Variants in KCNG3 observed in about 807,000 individuals in gnomAD.
KCNG3 encodes the protein potassium voltage-gated channel modifier subfamily G member 3, also known as voltage-gated potassium channel regulatory subunit KCNG3.
KCNG3 carries 15 observed loss-of-function variants against 29.0 expected under a neutral mutation model. The observed-to-expected ratio is 0.52, with a 90% CI of 0.35 to 0.80. KCNG3 has a LOEUF of 0.80. KCNG3 is among the 30% of genes least tolerant of loss of function. KCNG3 has a pLI of 0.01. For missense variants in KCNG3, 512 were observed against 605.7 expected (o/e 0.85, Z 1.62); for synonymous variants, 322 against 248.9 (o/e 1.29, Z -2.76).
In KCNG3 at chr2:42,492,868, A is replaced by T. The variant is rs1216236216; in HGVS notation, c.634T>A (p.Tyr212Asn). ...GGCTCCCTCCCAGGGCCGGCGGAGT[A>T]CCTGCTCCGGTCATCCAGGCTGCGG... ...DNRSLDDRSR[Y>N]SAGPGREPSG... Residue 212 changes from tyrosine to asparagine, a missense_variant, in exon 1 of 2, where the codon TAC becomes AAC. This residue lies in a region of KCNG3 where 228 missense variants were observed against 200.0 expected (regional missense o/e 1.14). Coordinates refer to ENST00000306078, the MANE Select transcript of KCNG3 (RefSeq NM_133329.6). The T allele has an allele frequency of 2.6e-6, 4 of 1,525,916 alleles. No homozygotes were observed. In the East Asian group the frequency reaches 9.7e-5, roughly 37 times the overall value. The allele number at this position is 1,525,916 out of a possible 1,614,324, so 94.5% of individuals were successfully genotyped here.
At chr2:42,462,817 A>G (rs1373060192) in intron 1 of KCNG3, among the ~76,000 whole-genome samples, 1 of 152,242 alleles carries the variant, frequency 6.6e-6, no homozygotes, top group African/African-American at 2.4e-5. Flanking sequence ...AGTTTCATTC[A>G]TTTATTCAAT....
At chr2:42,449,927 T>C (rs1038553692) in intron 1 of KCNG3, among the ~76,000 whole-genome samples, 9 of 152,174 alleles carry the variant, frequency 5.9e-5, no homozygotes, top group African/African-American at 9.7e-5. Flanking sequence ...CTGTCTCTTA[T>C]CTAGCCAGAC....
downstream of KCNG3, among the ~76,000 whole-genome samples, chr2:42,440,113 G>T (rs561245744): frequency 4.6e-5 from 7 of 152,240 alleles, no homozygotes; most frequent in African/African-American, 1.7e-4. Flanking sequence ...GAGTTCCCTG[G>T]TTGCTAATAT....
the KCNG3 span, among the ~76,000 whole-genome samples, chr2:42,431,699 G>A: frequency 2.6e-5 from 4 of 152,186 alleles, no homozygotes; most frequent in South Asian, 6.2e-4. Context: ...TTCCCTAAAG[G>A]AATTTCACAA....
chr2:42,408,792 G>A, the KCNG3 span, among the ~76,000 whole-genome samples: 1 of 152,184 alleles, frequency 6.6e-6, no homozygotes, highest in Non-Finnish European at 1.5e-5. Context: ...GCTGAAACAT[G>A]CCCCTTGCTC....
intron 1 of KCNG3, among the ~76,000 whole-genome samples, chr2:42,453,362 G>A (rs1469512938): frequency 6.6e-6 from 1 of 152,138 alleles, no homozygotes; most frequent in African/African-American, 2.4e-5. Flanking sequence ...GCCAGCATTT[G>A]TTATTGTCTG....
At chr2:42,409,724 AAAAAATTT>A in the KCNG3 span, among the ~76,000 whole-genome samples, 6 of 72,220 alleles carry the variant, frequency 8.3e-5, no homozygotes, top group African/African-American at 2.3e-4. Flanking sequence ...AAAAAAAAAA[AAAAAATTT>A]TTTTTTAAAT....
At chr2:42,463,160 A>C (rs1465134351) in intron 1 of KCNG3, 1 of 343,826 alleles carries the variant, frequency 2.9e-6, no homozygotes, top group African/African-American at 2.2e-5. Flanking sequence ...CTAATCCTAG[A>C]CCAAGCTCAT....
At chr2:42,403,477 G>GT in the KCNG3 span, among the ~76,000 whole-genome samples, 1,223 of 87,772 alleles carry the variant, frequency 0.014, 54 homozygotes, top group East Asian at 0.13. Context: ...TTTCTTTTCT[G>GT]TTTTTTTTTT....
the KCNG3 span, among the ~76,000 whole-genome samples, chr2:42,418,285 C>A: frequency 3.3e-5 from 5 of 152,248 alleles, no homozygotes; most frequent in African/African-American, 1.2e-4. Context: ...AATTTCATTC[C>A]ATTTTAAGGT....
At chr2:42,449,052 C>CA (rs1175974451) in intron 1 of KCNG3, among the ~76,000 whole-genome samples, 1 of 152,006 alleles carries the variant, frequency 6.6e-6, no homozygotes, top group Non-Finnish European at 1.5e-5. Context: ...TCCCAGGGCC[C>CA]ACTGAGGGAC....
At chr2:42,401,899 AAAACAAAC>A in the KCNG3 span, among the ~76,000 whole-genome samples, 1 of 152,152 alleles carries the variant, frequency 6.6e-6, no homozygotes, top group Non-Finnish European at 1.5e-5. Flanking sequence ...ACAAAAACAA[AAAACAAAC>A]AAACAAACAA....
At chr2:42,416,038 T>C in the KCNG3 span, among the ~76,000 whole-genome samples, 1 of 151,820 alleles carries the variant, frequency 6.6e-6, no homozygotes, top group Non-Finnish European at 1.5e-5. Context: ...CCACTAAAAG[T>C]ACAAAAATTA....
chr2:42,477,356 TG>T (rs1328112478), intron 1 of KCNG3, among the ~76,000 whole-genome samples: 1 of 146,972 alleles, frequency 6.8e-6, no homozygotes, highest in Non-Finnish European at 1.5e-5. Flanking sequence ...TATATGTGTG[TG>T]TATATACATA....
At chr2:42,423,685 C>A in the KCNG3 span, among the ~76,000 whole-genome samples, 15 of 152,212 alleles carry the variant, frequency 9.9e-5, 1 homozygote, top group South Asian at 3.1e-3. Flanking sequence ...TTTACCCTAC[C>A]TGTAAACGTC....
chr2:42,452,799 T>TG (rs1672794982), intron 1 of KCNG3, among the ~76,000 whole-genome samples: 1 of 138,436 alleles, frequency 7.2e-6, no homozygotes, highest in Non-Finnish European at 1.6e-5. Context: ...GTGTGTGTTT[T>TG]GAGATGAAGT....
At position 42,444,019 on chromosome 2, in the gene KCNG3, T is replaced by C. The variant is rs1558372434; in HGVS notation, c.1226A>G (p.Tyr409Cys). Residue 409 changes from tyrosine (Y) to cysteine (C), a missense_variant, in exon 2 of 2, where the codon TAC becomes TGC. Tyr to Cys is a radical substitution (Grantham distance 194). Coordinates refer to ENST00000306078, the MANE Select transcript of KCNG3 (RefSeq NM_133329.6). This position sits in a 1 kb window ranked among gnomAD's most constrained non-coding sequence, Gnocchi z 5.8. ...VLLALPITFIYHSFVQCYHEL... is the reference protein window; with the variant it reads ...VLLALPITFICHSFVQCYHEL... ...ATGATAACACTGCACAAAGCTATGG[T>C]AGATAAAAGTGATAGGTAATGCCAA... is the stretch of plus-strand genomic sequence containing the variant. 2 of 1,614,102 alleles carry C rather than the reference T, an allele frequency of 1.2e-6. No individual in the cohort carries two copies.
At chr2:42,437,805 G>A (rs1162411526), downstream of KCNG3, among the ~76,000 whole-genome samples, 1 of 151,938 alleles carries the variant, frequency 6.6e-6, no homozygotes, top group Non-Finnish European at 1.5e-5. Flanking sequence ...GGGCATGTTG[G>A]TGGGCGCCTG....
intron 1 of KCNG3, among the ~76,000 whole-genome samples, chr2:42,461,341 A>C (rs1673013380): frequency 6.6e-6 from 1 of 151,952 alleles, no homozygotes; most frequent in Non-Finnish European, 1.5e-5. Context: ...CCATGGACAA[A>C]CCAGAGGTGT....
Sources: allele counts gnomAD v4.1 joint callset (sites outside exome capture counted in the v4.1 genomes callset), GRCh38; gene constraint gnomAD v4.1.1; regional missense constraint gnomAD v4.1.1; non-coding constraint Gnocchi (gnomAD v3.1); transcripts MANE v1.5; gene names NCBI Gene and HGNC (gene_info 2026-07-23, HGNC 2026-07-21).